The following ANP32A variants were observed in gnomAD, a reference collection of about 807,000 sequenced individuals.
ANP32A encodes the protein acidic nuclear phosphoprotein 32 family member A, also known as acidic leucine-rich nuclear phosphoprotein 32 family member A.
Under a neutral mutation model 33.9 loss-of-function variants are expected in ANP32A, and 1 was observed. The observed-to-expected ratio is 0.03, with a 90% CI of 0.01 to 0.14. ANP32A has a LOEUF of 0.14. Among genes scored for constraint, ANP32A ranks in the 10% least tolerant of loss-of-function variants. ANP32A has a pLI of 1.00. For missense variants in ANP32A, 155 were observed against 306.0 expected (o/e 0.51, Z 3.68); for synonymous variants, 115 against 120.5 (o/e 0.95, Z 0.30).
intron 1 of ANP32A, among the ~76,000 whole-genome samples, chr15:68,814,060 G>A (rs1012034015): frequency 7.2e-5 from 11 of 152,078 alleles, no homozygotes; most frequent in South Asian, 2.1e-4. Context: ...TACTAGAGAC[G>A]GGGTTTCACC....
At position 68,779,986 on chromosome 15, in the gene ANP32A, A is replaced by AGTT; in HGVS notation, c.*92_*94dup. The AGTT allele has an allele frequency of 8.6e-7, 1 of 1,163,144 alleles. No homozygotes were observed. Among genetic ancestry groups the AGTT allele is most frequent in the East Asian group, 2.5e-5 (1 of 40,672 alleles). 72.1% of individuals were successfully genotyped at this position (1,163,144 alleles called of 1,614,324 possible). A position where few individuals can be genotyped will look rare whatever the true frequency, so the allele number is the denominator to read the frequency against. On this transcript the variant is annotated 3_prime_UTR_variant, in exon 7 of 7. Coordinates refer to ENST00000465139, the MANE Select transcript of ANP32A (RefSeq NM_006305.4). ...GCAACGTTACAATCAGAAAAAAATA[A>AGTT]GTTTCAGGGGGCAGGATTGGAGGGG... is the stretch of plus-strand genomic sequence containing the variant.
At chr15:68,792,002 G>C (rs1482708717) in intron 1 of ANP32A, 1 of 152,536 alleles carries the variant, frequency 6.6e-6, no homozygotes, top group Non-Finnish European at 1.5e-5. Context: ...TAGTGCTCTA[G>C]TTTCAAAGCC....
At position 68,819,273 on chromosome 15, in the gene ANP32A, G is replaced by C. The variant is rs575839413; in HGVS notation, c.54+1425C>G. ...CCCCGGTCCCCCCAAGGGGCCAAGA[G>C]GGGAGCTGGCCAGGGTCTCCGCCCC... On this transcript the variant is annotated intron_variant, in intron 1 of 6. Coordinates refer to ENST00000465139, the MANE Select transcript of ANP32A (RefSeq NM_006305.4). Among the ~76,000 whole-genome samples, 41 of 149,262 alleles carry C rather than the reference G, an allele frequency of 2.7e-4. 1 individual carries two copies. The highest frequency in any genetic ancestry group is 9.3e-4 in the African/African-American group (36 of 38,812).
intron 1 of ANP32A, among the ~76,000 whole-genome samples, chr15:68,816,983 CATGCG>C (rs1894391091): frequency 1.3e-5 from 2 of 151,264 alleles, no homozygotes; most frequent in Non-Finnish European, 2.9e-5. Context: ...TGGAAAACAT[CATGCG>C]ATGTATTCCA....
At chr15:68,790,839 C>T (rs1893989894) in intron 1 of ANP32A, 1 of 152,182 alleles carries the variant, frequency 6.6e-6, no homozygotes, top group Non-Finnish European at 1.5e-5. Context: ...TGCTGGGGCT[C>T]AGAACACAAT....
intron 3 of ANP32A, among the ~76,000 whole-genome samples, chr15:68,786,145 G>A (rs1021617668): frequency 6.6e-6 from 1 of 152,036 alleles, no homozygotes; most frequent in African/African-American, 2.4e-5. Flanking sequence ...CAATCTGAGG[G>A]ATACCCAACC....
chr15:68,784,494 T>C lies in ANP32A; in HGVS notation c.429A>G (p.Thr143=), dbSNP rs991582394. 12 of 1,613,934 alleles carry C rather than the reference T, an allele frequency of 7.4e-6. No individual in the cohort carries two copies. Among genetic ancestry groups the C allele is most frequent in the Non-Finnish European group, 9.3e-6 (11 of 1,180,008 alleles). ...ENVFKLLPQL[T]YLDGYDRDDK... ...CGTCCCGGTCATAGCCGTCGAGATA[T>C]GTGAGTTGCGGGAGGAGCTTGAACA... Residue 143 remains threonine (T), a synonymous_variant, in exon 4 of 7, where the codon ACA becomes ACG. Transcript: ENST00000465139.
At chr15:68,802,819 A>ATTTTTTTTTTTTTTTTTTTT (rs1228755138) in intron 1 of ANP32A, among the ~76,000 whole-genome samples, 8 of 151,784 alleles carry the variant, frequency 5.3e-5, no homozygotes, top group Non-Finnish European at 7.4e-5. Flanking sequence ...TGCCCGGCTA[A>ATTTTTTTTTTTTTTTTTTTT]TTTTTTATAT....
At chr15:68,811,939 G>A (rs1216450023) in intron 1 of ANP32A, among the ~76,000 whole-genome samples, 1 of 151,554 alleles carries the variant, frequency 6.6e-6, no homozygotes, top group African/African-American at 2.4e-5. Context: ...GACAAGGCCA[G>A]CCTGTTCTTG....
chr15:68,784,149 T>TG, intron 4 of ANP32A: 1 of 572,468 alleles, frequency 1.7e-6, no homozygotes, highest in Non-Finnish European at 3.1e-6. Flanking sequence ...TCCATGAGCA[T>TG]GGGACTCATG....
rs546517456 is a variant in ANP32A at position 68,807,352 on chromosome 15, A to G, written c.54+13346T>C. Among the ~76,000 whole-genome samples the G allele has an allele frequency of 1.0e-3, 139 of 135,354 alleles. 1 individual carries two copies. Among genetic ancestry groups the G allele is most frequent in the Admixed American group, 8.3e-3 (109 of 13,054 alleles). The allele number at this position is 135,354 out of a possible 152,430, so 88.8% of individuals were successfully genotyped here. A position where few individuals can be genotyped will look rare whatever the true frequency, so the allele number is the denominator to read the frequency against. On this transcript the variant is annotated intron_variant, in intron 1 of 6. Transcript: ENST00000465139. ...AAGGTGAGCCAGCGCGACAGCCCCC[A>G]CCCCAGAAGAGGCCCGGGGCAAGGG... is the stretch of plus-strand genomic sequence containing the variant.
intron 1 of ANP32A, among the ~76,000 whole-genome samples, chr15:68,799,816 G>A (rs1266580917): frequency 6.6e-6 from 1 of 152,196 alleles, no homozygotes; most frequent in African/African-American, 2.4e-5. Flanking sequence ...ACAATTGAAG[G>A]AACTAGTGAT....
chr15:68,805,240 C>CA (rs1259152027), intron 1 of ANP32A, among the ~76,000 whole-genome samples: 2 of 152,176 alleles, frequency 1.3e-5, no homozygotes, highest in Non-Finnish European at 2.9e-5. Context: ...TCAGAAACAC[C>CA]AATGGAAATT....
intron 1 of ANP32A, among the ~76,000 whole-genome samples, chr15:68,798,063 G>A (rs1894085881): frequency 6.6e-6 from 1 of 152,228 alleles, no homozygotes; most frequent in African/African-American, 2.4e-5. Flanking sequence ...CCAGCTGACA[G>A]ATACGGTTAA....
chr15:68,810,145 G>A (rs1217648230), intron 1 of ANP32A, among the ~76,000 whole-genome samples: 1 of 152,166 alleles, frequency 6.6e-6, no homozygotes, highest in Non-Finnish European at 1.5e-5. Context: ...CAGAGAGAGT[G>A]GGGCAAGGGA....
chr15:68,786,194 C>T (rs931790050), intron 3 of ANP32A, among the ~76,000 whole-genome samples: 1 of 151,618 alleles, frequency 6.6e-6, no homozygotes, highest in African/African-American at 2.4e-5. Flanking sequence ...GCAAACGTGG[C>T]CAATTGTCCT....
At chr15:68,806,595 TG>T (rs1221734314) in intron 1 of ANP32A, among the ~76,000 whole-genome samples, 2 of 152,242 alleles carry the variant, frequency 1.3e-5, no homozygotes, top group Admixed American at 6.5e-5. Context: ...AAGGCATGTC[TG>T]CAACAGAGCC....
intron 1 of ANP32A, among the ~76,000 whole-genome samples, chr15:68,794,929 T>G (rs546516351): frequency 6.6e-6 from 1 of 152,234 alleles, no homozygotes; most frequent in Non-Finnish European, 1.5e-5. Flanking sequence ...AATTACTTTC[T>G]TATGTTACTT....
intron 3 of ANP32A, among the ~76,000 whole-genome samples, chr15:68,784,808 T>C (rs1257816406): frequency 7.2e-5 from 11 of 152,026 alleles, no homozygotes; most frequent in Admixed American, 3.9e-4. Flanking sequence ...ATCTGGAAAA[T>C]GGGGGGTTGG....
Sources: gnomAD v4.1 joint callset for allele counts (sites outside exome capture counted in the v4.1 genomes callset) on GRCh38, gnomAD v4.1.1 for gene constraint, MANE v1.5 for transcripts, NCBI Gene and HGNC (gene_info 2026-07-23, HGNC 2026-07-21) for gene names.